INPP5J: variants seen among roughly 807,000 people sequenced by gnomAD.
The protein encoded by INPP5J is phosphatidylinositol 4,5-bisphosphate 5-phosphatase A.
INPP5J carries 75 observed loss-of-function variants against 86.6 expected under a neutral mutation model. The observed-to-expected ratio is 0.87, with a 90% confidence interval of 0.72 to 1.05. INPP5J has a LOEUF of 1.05. Among genes scored for constraint, INPP5J ranks in the 50% least tolerant of loss-of-function variants. INPP5J has a pLI of 0.00. For missense variants in INPP5J, 1,229 were observed against 1,341.2 expected, an observed-to-expected ratio of 0.92 and a Z score of 1.31; for synonymous variants, 540 against 550.0, an observed-to-expected ratio of 0.98 and a Z score of 0.25.
intron 9 of INPP5J, among the ~76,000 whole-genome samples, chr22:31,131,501 T>A (rs1437073565): frequency 6.6e-6 from 1 of 151,518 alleles, no homozygotes; most frequent in Non-Finnish European, 1.5e-5. Context: ...AGGCGGAGGT[T>A]GCAGTGAGTT....
chr22:31,123,685 C>T (rs879541528), intron 1 of INPP5J, among the ~76,000 whole-genome samples: 5 of 152,252 alleles, frequency 3.3e-5, no homozygotes, highest in Non-Finnish European at 4.4e-5. Flanking sequence ...GGCCTCCCTG[C>T]GCCCTGTTAC....
In INPP5J at chr22:31,127,462, G is replaced by C; in HGVS notation, c.1717G>C (p.Asp573His). ...TATGGACAAGGCGGAGCAGCGCAAA[G>C]ACAACTTCCAGACCATCCTCAGCCT... ...AHMDKAEQRK[D>H]NFQTILSLQQ... The change falls in exon 6 of 13, where the codon GAC becomes CAC. Residue 573 changes from aspartate to histidine, a missense_variant. Coordinates refer to ENST00000331075, the MANE Select transcript of INPP5J (RefSeq NM_001284285.2). 1 of 1,613,906 alleles carries C rather than the reference G, an allele frequency of 6.2e-7. No individual in the cohort carries two copies. Among genetic ancestry groups the C allele is most frequent in the African/African-American group, 1.3e-5 (1 of 75,058 alleles).
At position 31,126,961 on chromosome 22, in the gene INPP5J, T is replaced by C; in HGVS notation, c.1535T>C (p.Phe512Ser). The change falls in exon 5 of 13, where the codon TTC (phenylalanine) becomes TCC (serine). Residue 512 changes from phenylalanine (F) to serine (S), a missense_variant. Physicochemically the swap from Phe to Ser is radical, Grantham distance 155. Transcript: ENST00000331075. ...ATGCAGGGTGTCATCCTGCTGCTGT[T>C]CGCCAAGTACTACCACCTGCCCTTC... ...VRMQGVILLL[F>S]AKYYHLPFLR... 6.2e-7 allele frequency: 1 copy of C among 1,611,140 alleles called. No individual in the cohort carries two copies. Among genetic ancestry groups the C allele is most frequent in the Non-Finnish European group, 8.5e-7 (1 of 1,178,730 alleles).
Position 31,134,248 on chromosome 22 carries a change from CCCACCAGCT to C in INPP5J, c.2851_2859del (p.Pro951_Ala953del). On this transcript the variant is annotated inframe_deletion, in exon 13 of 13. Coordinates refer to ENST00000331075, the MANE Select transcript of INPP5J (RefSeq NM_001284285.2). The stretch of plus-strand genomic sequence containing the variant: ...CTGGGTTGCCTGGCCCCTGGGCCTT[CCCACCAGCT>C]GTGCCTCGAAGCCTGGGCCTGTTGC... 2 of 1,550,830 alleles carry C rather than the reference CCCACCAGCT, an allele frequency of 1.3e-6. No individual in the cohort carries two copies. The highest frequency in any genetic ancestry group is 1.7e-6 in the Non-Finnish European group (2 of 1,147,180).
chr22:31,127,062 G>A (rs756946122), intron 5 of INPP5J, 25 bp downstream of exon 5: 93 of 1,484,932 alleles, frequency 6.3e-5, no homozygotes, highest in Non-Finnish European at 7.6e-5. Flanking sequence ...AGGCCCAGAA[G>A]AGGATGGGAC....
At position 31,125,093 on chromosome 22, in the gene INPP5J, C is replaced by G; in HGVS notation, c.354C>G (p.Ala118=). The change falls in exon 2 of 13, where the codon GCC becomes GCG. Residue 118 remains alanine, a synonymous_variant. Coordinates refer to ENST00000331075, the MANE Select transcript of INPP5J (RefSeq NM_001284285.2). The stretch of plus-strand genomic sequence containing the variant: ...CTGTGGGCCAGCTGGTGATGTCTGC[C>G]TCAGCTGGACCAAAGCCTCCCCCAG... ...PTSVGQLVMS[A]SAGPKPPPAT... 1 of 1,549,750 alleles carries G rather than the reference C, an allele frequency of 6.5e-7. No individual in the cohort carries two copies. Among genetic ancestry groups the G allele is most frequent in the Non-Finnish European group, 8.7e-7 (1 of 1,146,986 alleles).
rs774216867 is a variant in INPP5J, at chr22:31,128,204, C to T, written c.1900-10C>T. On this transcript the variant is annotated splice_polypyrimidine_tract_variant and intron_variant, in intron 7 of 12. Coordinates refer to ENST00000331075, the MANE Select transcript of INPP5J (RefSeq NM_001284285.2). Reference sequence around the variant, plus strand: ...CTGTTGTCCAATCTGCTCTCCTGGACCCCCCACAGCTCAACATGGCCAAGA... The same window carrying T: ...CTGTTGTCCAATCTGCTCTCCTGGATCCCCCACAGCTCAACATGGCCAAGA... 1.9e-6 allele frequency: 3 copies of T among 1,576,544 alleles called. No individual in the cohort carries two copies. In the East Asian group the frequency reaches 6.9e-5, roughly 36 times the overall value.
upstream of INPP5J, chr22:31,122,686 T>C (rs978694820): frequency 1.2e-4 from 35 of 288,396 alleles, no homozygotes; most frequent in African/African-American, 7.4e-4. Context: ...GGTGTGTTAA[T>C]GCCCCTCCCT....
At chr22:31,132,244 C>G (rs1922121412) in intron 9 of INPP5J, among the ~76,000 whole-genome samples, 1 of 152,182 alleles carries the variant, frequency 6.6e-6, no homozygotes, top group African/African-American at 2.4e-5. Flanking sequence ...CTCCATCCTC[C>G]CACGCAGAGC....
intron 9 of INPP5J, among the ~76,000 whole-genome samples, chr22:31,130,503 G>C (rs935649044): frequency 6.7e-5 from 10 of 148,198 alleles, no homozygotes; most frequent in Non-Finnish European, 1.5e-5. Context: ...AACAGAGCAA[G>C]ACCTTGTCTC....
chr22:31,122,913 A>T, upstream of INPP5J: 2 of 815,470 alleles, frequency 2.5e-6, no homozygotes, highest in Non-Finnish European at 3.6e-6. Context: ...CTGTGCCTTT[A>T]AATTCTCAGC....
rs1442180730 is a variant in INPP5J at position 31,123,006 on chromosome 22, G to A, written c.-9G>A. The A allele has an allele frequency of 7.0e-7, 1 of 1,436,460 alleles. No individual in the cohort carries two copies. The allele number at this position is 1,436,460 out of a possible 1,614,324, so 89.0% of individuals were successfully genotyped here. On this transcript the variant is annotated 5_prime_UTR_variant, in exon 1 of 13. Transcript: ENST00000331075. The stretch of plus-strand genomic sequence containing the variant: ...GCCAAGGGAGTCCAGGCTGCCGGGG[G>A]CTGCAGACATGGAGGGCCAGAGCAG...
Position 31,127,556 on chromosome 22 carries a change from T to C in INPP5J, c.1787+24T>C, listed in dbSNP as rs375164367. The C allele has an allele frequency of 3.3e-4, 528 of 1,601,000 alleles. 1 individual carries two copies. The highest frequency in any genetic ancestry group is 4.2e-4 in the Non-Finnish European group (488 of 1,173,002). On this transcript the variant is annotated intron_variant, in intron 6 of 12. Transcript: ENST00000331075. ...GAGTATGGGCTGGGGTGGGGCCAAA[T>C]AGAGCTTGGGTGGGGCTAGTGATGG... is the stretch of plus-strand genomic sequence containing the variant.
intron 1 of INPP5J, among the ~76,000 whole-genome samples, chr22:31,124,533 G>A (rs1490549838): frequency 2.0e-5 from 3 of 152,178 alleles, no homozygotes; most frequent in African/African-American, 4.8e-5. Flanking sequence ...GGCAGGGTGT[G>A]GGTGCCAGCC....
rs1204790280 is a variant in INPP5J, at chr22:31,128,491, C to G, written c.2030C>G (p.Ala677Gly). The change falls in exon 9 of 13, where the codon GCT becomes GGT. Residue 677 changes from alanine (A) to glycine (G), a missense_variant. Coordinates refer to ENST00000331075, the MANE Select transcript of INPP5J (RefSeq NM_001284285.2). ...TGCAGTGCCAAGAAACGGAAGCCAG[C>G]TTGGACAGACCGTATCCTATGGAAG... ...YDTSAKKRKP[A>G]WTDRILWKVK... 1 of 1,613,562 alleles carries G rather than the reference C, an allele frequency of 6.2e-7. No homozygotes were observed. Among genetic ancestry groups the G allele is most frequent in the Non-Finnish European group, 8.5e-7 (1 of 1,179,868 alleles).
intron 12 of INPP5J, 62 bp from the exon 13 acceptor site, chr22:31,133,851 A>C: frequency 6.3e-7 from 1 of 1,597,138 alleles, no homozygotes. Context: ...AGACCTCGGG[A>C]GGTCAGGCCT....
Position 31,133,940 on chromosome 22 carries a change from A to T in INPP5J, c.2542A>T (p.Ser848Cys). 6.2e-7 allele frequency: 1 copy of T among 1,612,648 alleles called. No individual in the cohort carries two copies. Among genetic ancestry groups the T allele is most frequent in the Non-Finnish European group, 8.5e-7 (1 of 1,179,354 alleles). ...QISLPSSELA[S>C]SSTDSSGTSS... ...CTCGCTGCCTTCCTCGGAGTTGGCCAGCAGCAGCACAGACAGCTCAGGCAC... is the reference window on the plus strand; with the variant it reads ...CTCGCTGCCTTCCTCGGAGTTGGCCTGCAGCAGCACAGACAGCTCAGGCAC... The change falls in exon 13 of 13, where the codon AGC becomes TGC. Residue 848 changes from serine to cysteine, a missense_variant. By Grantham distance (112) the Ser-to-Cys change is moderately radical. Coordinates refer to ENST00000331075, the MANE Select transcript of INPP5J (RefSeq NM_001284285.2).
chr22:31,123,554 G>A (rs544177981), intron 1 of INPP5J, among the ~76,000 whole-genome samples: 1 of 152,294 alleles, frequency 6.6e-6, no homozygotes, highest in African/African-American at 2.4e-5. Flanking sequence ...TGGAGCCAAG[G>A]AGGGTGCCTA....
chr22:31,129,967 AGAGGCT>A (rs1255186451), intron 9 of INPP5J, among the ~76,000 whole-genome samples: 3 of 151,060 alleles, frequency 2.0e-5, no homozygotes, highest in African/African-American at 7.3e-5. Flanking sequence ...CAACACTTTG[AGAGGCT>A]GAGGTGGAAG....
Sources: gnomAD v4.1 joint callset for allele counts (sites outside exome capture counted in the v4.1 genomes callset) on GRCh38, gnomAD v4.1.1 for gene constraint, MANE v1.5 for transcripts, NCBI Gene and HGNC (gene_info 2026-07-23, HGNC 2026-07-21) for gene names.